Variants in UNC5D observed in about 807,000 individuals in gnomAD.
The protein encoded by UNC5D is netrin receptor UNC5D.
UNC5D carries 39 observed loss-of-function variants against 105.4 expected under a neutral mutation model. That is an observed-to-expected ratio of 0.37 (90% CI 0.29 to 0.48). UNC5D has a LOEUF of 0.48. UNC5D is among the 20% of genes least tolerant of loss of function. UNC5D has a pLI of 0.98. For missense variants in UNC5D, 991 were observed against 1,202.4 expected (o/e 0.82, Z 2.60); for synonymous variants, 452 against 450.4 (o/e 1.00, Z -0.04).
At chr8:35,704,960 CT>C (rs1001514087) in intron 7 of UNC5D, among the ~76,000 whole-genome samples, 678 of 115,574 alleles carry the variant, frequency 5.9e-3, no homozygotes, top group Middle Eastern at 0.012. Flanking sequence ...TGCTGAATGC[CT>C]TTTTTTTTTT....
chr8:35,692,104 G>A (rs1826445811), intron 7 of UNC5D, among the ~76,000 whole-genome samples: 2 of 152,154 alleles, frequency 1.3e-5, no homozygotes, highest in South Asian at 4.1e-4. Context: ...TTCAAAAACT[G>A]AAATATCAGT....
intron 1 of UNC5D, among the ~76,000 whole-genome samples, chr8:35,433,438 A>C (rs774081239): frequency 6.6e-6 from 1 of 152,190 alleles, no homozygotes; most frequent in African/African-American, 2.4e-5. Flanking sequence ...TAACAGATTC[A>C]CTAAGGAAAG....
chr8:35,303,981 T>C (rs1447053502), intron 1 of UNC5D, among the ~76,000 whole-genome samples: 1 of 152,120 alleles, frequency 6.6e-6, no homozygotes, highest in East Asian at 1.9e-4. Flanking sequence ...AGCTCCTCCA[T>C]GTTAAAAAAA....
At chr8:35,580,619 G>A (rs1232213352) in intron 3 of UNC5D, among the ~76,000 whole-genome samples, 3 of 152,094 alleles carry the variant, frequency 2.0e-5, no homozygotes, top group Non-Finnish European at 4.4e-5. Flanking sequence ...AGGAAGAAAT[G>A]GTCAGTGGTG....
chr8:35,349,390 T>G (rs1055790569), intron 1 of UNC5D, among the ~76,000 whole-genome samples: 1 of 152,042 alleles, frequency 6.6e-6, no homozygotes, highest in Non-Finnish European at 1.5e-5. Context: ...TTATATCTTC[T>G]GAATGTTGAG....
chr8:35,767,974 C>T (rs2131715665), intron 15 of UNC5D, among the ~76,000 whole-genome samples: 1 of 151,138 alleles, frequency 6.6e-6, no homozygotes, highest in Middle Eastern at 3.6e-3. Context: ...GGGAAACATA[C>T]ATTTTTTGTT....
At chr8:35,580,638 A>G (rs1818421914) in intron 3 of UNC5D, among the ~76,000 whole-genome samples, 1 of 152,146 alleles carries the variant, frequency 6.6e-6, no homozygotes, top group Non-Finnish European at 1.5e-5. Context: ...TGTCAATGTG[A>G]TCTGACAATT....
At chr8:35,618,786 A>C (rs2131016848) in intron 4 of UNC5D, among the ~76,000 whole-genome samples, 1 of 152,278 alleles carries the variant, frequency 6.6e-6, no homozygotes, top group East Asian at 1.9e-4. Flanking sequence ...TCAAAGCCTA[A>C]ATCTTGCCAC....
intron 1 of UNC5D, among the ~76,000 whole-genome samples, chr8:35,539,123 A>G (rs1815084870): frequency 6.6e-6 from 1 of 152,164 alleles, no homozygotes; most frequent in Non-Finnish European, 1.5e-5. Flanking sequence ...AAAAAATGAG[A>G]TAATATATTA....
At chr8:35,655,284 G>T (rs532478633) in intron 4 of UNC5D, among the ~76,000 whole-genome samples, 2 of 152,082 alleles carry the variant, frequency 1.3e-5, no homozygotes, top group Non-Finnish European at 2.9e-5. Flanking sequence ...AAATATTGCC[G>T]TCTTCTCTTA....
intron 4 of UNC5D, among the ~76,000 whole-genome samples, chr8:35,643,846 A>G (rs971060477): frequency 1.1e-4 from 17 of 152,188 alleles, no homozygotes; most frequent in Admixed American, 5.9e-4. Context: ...AGCCCTATCA[A>G]CAAAACTAGA....
chr8:35,610,816 G>T (rs1287033927), intron 4 of UNC5D, among the ~76,000 whole-genome samples: 1 of 152,054 alleles, frequency 6.6e-6, no homozygotes, highest in Non-Finnish European at 1.5e-5. Flanking sequence ...GTATACATCA[G>T]TGGGGTATGG....
At chr8:35,483,881 C>T (rs1052922948) in intron 1 of UNC5D, among the ~76,000 whole-genome samples, 2 of 152,256 alleles carry the variant, frequency 1.3e-5, no homozygotes, top group East Asian at 3.9e-4. Context: ...GTCACTTAGG[C>T]TGCTTTTCTG....
intron 9 of UNC5D, among the ~76,000 whole-genome samples, chr8:35,725,357 G>GA (rs1348339870): frequency 6.6e-6 from 1 of 152,094 alleles, no homozygotes; most frequent in East Asian, 1.9e-4. Context: ...ATTTGGCTTG[G>GA]AAAAAAATGG....
chr8:35,725,594 C>T (rs1057454557), intron 9 of UNC5D, among the ~76,000 whole-genome samples: 1 of 151,940 alleles, frequency 6.6e-6, no homozygotes, highest in Non-Finnish European at 1.5e-5. Context: ...GTGCCCTGAC[C>T]CTTTTGCTCT....
chr8:35,342,751 G>A (rs1811539496), intron 1 of UNC5D, among the ~76,000 whole-genome samples: 1 of 152,042 alleles, frequency 6.6e-6, no homozygotes, highest in African/African-American at 2.4e-5. Context: ...TAGCTCAGGG[G>A]AGACACTGTG....
At chr8:35,550,639 G>C (rs1204461845) in intron 2 of UNC5D, among the ~76,000 whole-genome samples, 1 of 152,174 alleles carries the variant, frequency 6.6e-6, no homozygotes, top group African/African-American at 2.4e-5. Context: ...TACACATAAT[G>C]ACAGAGATAA....
intron 1 of UNC5D, among the ~76,000 whole-genome samples, chr8:35,395,745 A>G (rs1804058582): frequency 6.6e-6 from 1 of 152,184 alleles, no homozygotes; most frequent in African/African-American, 2.4e-5. Flanking sequence ...TTCATTCAGC[A>G]CAAAAATCTG....
chr8:35,777,125 G>A (rs889777259), intron 16 of UNC5D, among the ~76,000 whole-genome samples: 1 of 152,190 alleles, frequency 6.6e-6, no homozygotes, highest in Admixed American at 6.5e-5. Flanking sequence ...ATGGTGGCAG[G>A]CACCTGTAAT....
Sources: allele counts gnomAD v4.1 joint callset (sites outside exome capture counted in the v4.1 genomes callset), GRCh38; gene constraint gnomAD v4.1.1; transcripts MANE v1.5; gene names NCBI Gene and HGNC (gene_info 2026-07-23, HGNC 2026-07-21).